FAM120C: variants seen among roughly 807,000 people sequenced by gnomAD.
The protein encoded by FAM120C is family with sequence similarity 120 member C.
In FAM120C, 14 loss-of-function variants were observed where a neutral mutation model predicts 71.2. That is an observed-to-expected ratio of 0.20 (90% CI 0.13 to 0.31). The LOEUF (loss-of-function observed/expected upper bound fraction) is 0.31. FAM120C is among the 10% of genes least tolerant of loss of function. The pLI, the probability that FAM120C is intolerant of heterozygous loss-of-function variation, is 1.00. For missense variants in FAM120C, 500 were observed against 879.0 expected, an observed-to-expected ratio of 0.57 and a Z score of 5.45; for synonymous variants, 354 against 353.2, an observed-to-expected ratio of 1.00 and a Z score of -0.03.
intron 1 of FAM120C, chrX:54,174,263 T>C (rs2067304478): frequency 2.1e-6 from 1 of 482,701 alleles, no homozygotes; most frequent in African/African-American, 2.3e-5. Flanking sequence ...ATCACTTTTG[T>C]TGTAGTCTGC....
At chrX:54,075,671 C>A (rs1024652681) in intron 15 of FAM120C, among the ~76,000 whole-genome samples, 1 of 108,582 alleles carries the variant, frequency 9.2e-6, no homozygotes, top group African/African-American at 3.4e-5. Flanking sequence ...TGGTAGCGGG[C>A]GCCTGTAATC....
rs781925149 is a variant in FAM120C at position 54,069,250 on chromosome X, G to T, written c.*3783C>A. On this transcript the variant is annotated 3_prime_UTR_variant, in exon 16 of 16. Coordinates refer to ENST00000375180, the MANE Select transcript of FAM120C (RefSeq NM_017848.6). ...CCAAGGGAAAAGAAAATAGAAAGTC[G>T]AGTAAGATGCCAAAGTCACAGGATG... is the stretch of plus-strand genomic sequence containing the variant. The T allele has an allele frequency of 9.0e-6, 1 of 111,432 alleles. No individual in the cohort carries two copies. The highest frequency in any genetic ancestry group is 2.8e-4 in the East Asian group (1 of 3,572). The allele number at this position is 111,432 out of a possible 1,213,427, so 9.2% of individuals were successfully genotyped here. A position where few individuals can be genotyped will look rare whatever the true frequency, so the allele number is the denominator to read the frequency against.
intron 10 of FAM120C, among the ~76,000 whole-genome samples, chrX:54,092,596 G>T (rs782654731): frequency 9.1e-6 from 1 of 110,197 alleles, no homozygotes; most frequent in African/African-American, 3.3e-5. Flanking sequence ...TGTGTGTGTG[G>T]GGGAAATAAA....
At chrX:54,177,262 A>G (rs1379189360) in intron 1 of FAM120C, among the ~76,000 whole-genome samples, 3 of 111,170 alleles carry the variant, frequency 2.7e-5, no homozygotes, top group Non-Finnish European at 5.7e-5. Context: ...TGTTTTCAGA[A>G]TCGTGTCTCT....
chrX:54,153,413 T>A (rs1009716383), intron 3 of FAM120C, among the ~76,000 whole-genome samples: 2 of 107,820 alleles, frequency 1.9e-5, no homozygotes, highest in African/African-American at 6.7e-5. Context: ...TAATATATTT[T>A]TTTTTTTTTT....
Position 54,178,261 on chromosome X carries a change from T to C in FAM120C, c.699+4239A>G, listed in dbSNP as rs573696251. 5.3e-5 allele frequency among the ~76,000 whole-genome samples: 6 copies of C among 112,311 alleles called. No individual in the cohort carries two copies. In the South Asian group the frequency reaches 1.5e-3, roughly 28 times the overall value. On this transcript the variant is annotated intron_variant, in intron 1 of 15. Transcript: ENST00000375180. ...CTATAACATCACTGTATGACTCACT[T>C]ACTTGGCACTTAGCTTACACATTTG...
intron 9 of FAM120C, among the ~76,000 whole-genome samples, chrX:54,129,985 G>A (rs868936856): frequency 2.5e-4 from 26 of 105,943 alleles, no homozygotes; most frequent in African/African-American, 8.7e-4. Flanking sequence ...GTCCAGCTTC[G>A]GCTCGGCATC....
rs141068289 is a variant in FAM120C at position 54,096,975 on chromosome X, T to C, written c.2313-5549A>G. Among the ~76,000 whole-genome samples the C allele has an allele frequency of 1.3e-4, 15 of 111,987 alleles. No individual in the cohort carries two copies. In the East Asian group the frequency reaches 4.2e-3, roughly 31 times the overall value. ...TGGGCAGAAAATAAGTCTCTCATTATTTAAATTTCTTTGATTCCCAAGGAT... is the reference window on the plus strand; with the variant it reads ...TGGGCAGAAAATAAGTCTCTCATTACTTAAATTTCTTTGATTCCCAAGGAT... On this transcript the variant is annotated intron_variant, in intron 10 of 15. Transcript: ENST00000375180.
At chrX:54,164,430 C>T (rs1557134860) in intron 1 of FAM120C, among the ~76,000 whole-genome samples, 1 of 111,545 alleles carries the variant, frequency 9.0e-6, no homozygotes, top group Non-Finnish European at 1.9e-5. Flanking sequence ...CTCCTCCTAG[C>T]TCTTGGTAAC....
chrX:54,139,543 G>C (rs1557131278), intron 4 of FAM120C, among the ~76,000 whole-genome samples: 1 of 109,968 alleles, frequency 9.1e-6, no homozygotes, highest in Admixed American at 9.8e-5. Context: ...GGGTTTCACT[G>C]TGTTAGCCAG....
chrX:54,153,996 C>T (rs1416652199), intron 3 of FAM120C, among the ~76,000 whole-genome samples: 2 of 108,972 alleles, frequency 1.8e-5, no homozygotes, highest in African/African-American at 6.7e-5. Context: ...CCACAGTGCC[C>T]GGCCAAGGAT....
At chrX:54,106,396 T>C (rs1557124864) in intron 10 of FAM120C, among the ~76,000 whole-genome samples, 1 of 111,849 alleles carries the variant, frequency 8.9e-6, no homozygotes, top group Non-Finnish European at 1.9e-5. Flanking sequence ...ATATACCTTA[T>C]GCAAAAATTA....
At chrX:54,174,122 G>A (rs1557136343) in intron 1 of FAM120C, 1 of 513,725 alleles carries the variant, frequency 1.9e-6, no homozygotes, top group South Asian at 2.5e-5. Flanking sequence ...CCTCTCCATA[G>A]GGCAGCTCAC....
Position 54,132,745 on chromosome X carries a change from T to C in FAM120C, c.2009A>G (p.Glu670Gly). Residue 670 changes from glutamate (E) to glycine (G), a missense_variant, in exon 9 of 16, where the codon GAG becomes GGG. By Grantham distance (98) the Glu-to-Gly change is moderately conservative (BLOSUM62 -2). Coordinates refer to ENST00000375180, the MANE Select transcript of FAM120C (RefSeq NM_017848.6). The stretch of plus-strand genomic sequence containing the variant: ...CAAGCGTTCCATTTTCCTCTGTGTC[T>C]CTGCCAGACTAAAAAGAACTCCATA... ...YVYGVLFSLAETQRKMERLAM... is the reference protein window; with the variant it reads ...YVYGVLFSLAGTQRKMERLAM... 1 of 1,208,736 alleles carries C rather than the reference T, an allele frequency of 8.3e-7. No homozygotes were observed. The highest frequency in any genetic ancestry group is 1.1e-6 in the Non-Finnish European group (1 of 894,222).
chrX:54,174,743 G>A (rs782137458), intron 1 of FAM120C, among the ~76,000 whole-genome samples: 7 of 111,837 alleles, frequency 6.3e-5, no homozygotes, highest in Middle Eastern at 4.6e-3. Flanking sequence ...GAAAATAAAC[G>A]AAGTTCTTTC....
At chrX:54,100,545 G>C (rs782370119) in intron 10 of FAM120C, among the ~76,000 whole-genome samples, 24 of 110,466 alleles carry the variant, frequency 2.2e-4, no homozygotes, top group Non-Finnish European at 4.4e-4. Flanking sequence ...TGGTGGTTAA[G>C]TACCTGTGGT....
At chrX:54,105,089 G>C (rs1349136409) in intron 10 of FAM120C, among the ~76,000 whole-genome samples, 1 of 111,158 alleles carries the variant, frequency 9.0e-6, no homozygotes, top group Non-Finnish European at 1.9e-5. Context: ...ACCAAAACCT[G>C]GCAGAGACAC....
rs969368587 is a variant in FAM120C at position 54,095,243 on chromosome X, C to A, written c.2313-3817G>T. ...ATTATATATTACATTCTCATACATA[C>A]GAAAATCTGCTCCTATCCTATTTAT... is the stretch of plus-strand genomic sequence containing the variant. On this transcript the variant is annotated intron_variant, in intron 10 of 15. Coordinates refer to ENST00000375180, the MANE Select transcript of FAM120C (RefSeq NM_017848.6). Among the ~76,000 whole-genome samples, 4 of 111,022 alleles carry A rather than the reference C, an allele frequency of 3.6e-5. No individual in the cohort carries two copies. In the Admixed American group the frequency reaches 3.9e-4, roughly 11 times the overall value.
intron 4 of FAM120C, among the ~76,000 whole-genome samples, chrX:54,145,764 C>G (rs1224225609): frequency 2.7e-5 from 3 of 111,865 alleles, no homozygotes; most frequent in African/African-American, 9.7e-5. Context: ...CCTCAGGGAC[C>G]TAGAACTAGA....
Sources: allele counts gnomAD v4.1 joint callset (sites outside exome capture counted in the v4.1 genomes callset), GRCh38; gene constraint gnomAD v4.1.1; transcripts MANE v1.5; gene names NCBI Gene and HGNC (gene_info 2026-07-23, HGNC 2026-07-21).